PROSER2: variants seen among roughly 807,000 people sequenced by gnomAD.
The protein encoded by PROSER2 is proline and serine-rich protein 2.
PROSER2 carries 18 observed loss-of-function variants against 14.6 expected under a neutral mutation model. The ratio of observed to expected loss-of-function variants is 1.23; its 90% CI spans 0.85 to 1.83. The LOEUF (loss-of-function observed/expected upper bound fraction) is 1.83, where lower values mean the gene tolerates loss of function less well. Among genes scored for constraint, PROSER2 ranks in the 40% most tolerant of loss-of-function variants. PROSER2 has a pLI of 0.00. For missense variants in PROSER2, 823 were observed against 629.8 expected, an observed-to-expected ratio of 1.31 and a Z score of -3.28; for synonymous variants, 367 against 286.4, an observed-to-expected ratio of 1.28 and a Z score of -2.84.
At chr10:11,827,272 C>T (rs1340890075) in intron 1 of PROSER2, among the ~76,000 whole-genome samples, 2 of 151,924 alleles carry the variant, frequency 1.3e-5, no homozygotes, top group Non-Finnish European at 2.9e-5. Context: ...ATTTCTCGAA[C>T]GACTTCGTTG....
At chr10:11,835,106 T>TAA (rs10556057) in intron 1 of PROSER2, among the ~76,000 whole-genome samples, 5 of 141,780 alleles carry the variant, frequency 3.5e-5, no homozygotes, top group Admixed American at 1.4e-4. Context: ...GAATCTGTCT[T>TAA]AAAAAAAAAA....
rs756958024 is a variant in PROSER2 at position 11,866,430 on chromosome 10, G to A, written c.139-101G>A. 401 of 1,437,060 alleles carry A rather than the reference G, an allele frequency of 2.8e-4. 1 individual carries two copies. Among genetic ancestry groups the A allele is most frequent in the Middle Eastern group, 5.4e-4 (3 of 5,556 alleles). The allele number at this position is 1,437,060 out of a possible 1,614,324, so 89.0% of individuals were successfully genotyped here. ...GTACTCTCGGGACACAGTGAGTTCC[G>A]CCCTGGGCTGTGGACCAATCCCAAC... On this transcript the variant is annotated intron_variant, in intron 2 of 3. Transcript: ENST00000277570. This position sits in a 1 kb window ranked among gnomAD's most constrained non-coding sequence, Gnocchi z 6.0.
intron 1 of PROSER2, among the ~76,000 whole-genome samples, chr10:11,825,192 C>G (rs1234304480): frequency 6.6e-6 from 1 of 152,150 alleles, no homozygotes; most frequent in Non-Finnish European, 1.5e-5. Flanking sequence ...GCCTGGAAAC[C>G]TGAAGGGGGA....
chr10:11,842,195 C>CT (rs1035992080), intron 1 of PROSER2, among the ~76,000 whole-genome samples: 192 of 149,708 alleles, frequency 1.3e-3, no homozygotes, highest in African/African-American at 4.5e-3. Context: ...GCAATCCAGC[C>CT]TGGTTACAGA....
In PROSER2 at chr10:11,862,508, G is replaced by A. The variant is rs1205241194; in HGVS notation, c.139-4023G>A. Reference sequence around the variant, plus strand: ...GGAGTTCAAGATCAGCCTGGGCCATGTAGCAAGACTTTGTCTCTACAAAAA... The same window carrying A: ...GGAGTTCAAGATCAGCCTGGGCCATATAGCAAGACTTTGTCTCTACAAAAA... On this transcript the variant is annotated intron_variant, in intron 2 of 3. Coordinates refer to ENST00000277570, the MANE Select transcript of PROSER2 (RefSeq NM_153256.4). The surrounding 1 kb of genome is among the most constrained non-coding windows in gnomAD (Gnocchi z 4.2). Among the ~76,000 whole-genome samples the A allele has an allele frequency of 6.6e-6, 1 of 152,116 alleles. No individual in the cohort carries two copies. The highest frequency in any genetic ancestry group is 2.4e-5 in the African/African-American group (1 of 41,422).
chr10:11,867,721 T>C (rs1834381043), intron 3 of PROSER2, among the ~76,000 whole-genome samples: 1 of 152,194 alleles, frequency 6.6e-6, no homozygotes, highest in South Asian at 2.1e-4. Context: ...AAATGAAGCT[T>C]CACTCGCTCA....
intron 1 of PROSER2, chr10:11,851,373 A>G (rs915109257): frequency 3.3e-5 from 5 of 152,336 alleles, no homozygotes; most frequent in African/African-American, 9.6e-5. Flanking sequence ...ACACATTGCA[A>G]TAGCATGAGG....
chr10:11,851,027 C>CA (rs1363842642), intron 1 of PROSER2: 1 of 152,218 alleles, frequency 6.6e-6, no homozygotes, highest in African/African-American at 2.4e-5. Flanking sequence ...CTCCTGAGAC[C>CA]AGCCTGGGCA....
At position 11,830,654 on chromosome 10, in the gene PROSER2, T is replaced by A. The variant is rs1339012201; in HGVS notation, c.-82+7184T>A. ...TGAGCTACTTAAAGGTGTCCTGATT[T>A]CTCTGAGAGAGGTTGATAGCCATTC... is the stretch of plus-strand genomic sequence containing the variant. On this transcript the variant is annotated intron_variant, in intron 1 of 3. Coordinates refer to ENST00000277570, the MANE Select transcript of PROSER2 (RefSeq NM_153256.4). The surrounding 1 kb of genome is among the most constrained non-coding windows in gnomAD (Gnocchi z 4.5). Among the ~76,000 whole-genome samples, 1 of 152,228 alleles carries A rather than the reference T, an allele frequency of 6.6e-6. No homozygotes were observed. The highest frequency in any genetic ancestry group is 1.5e-5 in the Non-Finnish European group (1 of 68,046).
chr10:11,829,666 G>A (rs548041282), intron 1 of PROSER2, among the ~76,000 whole-genome samples: 22 of 151,840 alleles, frequency 1.4e-4, no homozygotes, highest in Middle Eastern at 3.4e-3. Flanking sequence ...GCGCTGTACC[G>A]TGGTTTCTTT....
intron 1 of PROSER2, among the ~76,000 whole-genome samples, chr10:11,833,757 A>C (rs1284845626): frequency 1.3e-5 from 2 of 152,124 alleles, no homozygotes; most frequent in Non-Finnish European, 2.9e-5. Flanking sequence ...CAAGAATTAC[A>C]TGCAGAAACC....
rs1425402249 is a variant in PROSER2, at chr10:11,847,165, A to G, written c.-81-4832A>G. On this transcript the variant is annotated intron_variant, in intron 1 of 3. Coordinates refer to ENST00000277570, the MANE Select transcript of PROSER2 (RefSeq NM_153256.4). ...GAAAAACATAAATAAATATATATAT[A>G]TATATATATATATATATATGAATCC... Among the ~76,000 whole-genome samples, 3 of 144,720 alleles carry G rather than the reference A, an allele frequency of 2.1e-5. No individual in the cohort carries two copies. The East Asian group carries it at 5.8e-4, about 28-fold the overall frequency. The allele number at this position is 144,720 out of a possible 152,430, so 94.9% of individuals were successfully genotyped here.
intron 1 of PROSER2, among the ~76,000 whole-genome samples, chr10:11,845,600 A>G (rs937905012): frequency 6.6e-6 from 1 of 152,178 alleles, no homozygotes; most frequent in African/African-American, 2.4e-5. Flanking sequence ...ATGGTTCGGT[A>G]CCTAGAGGAC....
At chr10:11,863,413 C>T (rs926738811) in intron 2 of PROSER2, among the ~76,000 whole-genome samples, 3 of 152,108 alleles carry the variant, frequency 2.0e-5, no homozygotes, top group Middle Eastern at 3.2e-3. Context: ...AGACGTGCAC[C>T]TGTAGTCCCA....
Position 11,856,392 on chromosome 10 carries a change from G to A in PROSER2, c.138+4177G>A, listed in dbSNP as rs993392259. Among the ~76,000 whole-genome samples, 5 of 152,138 alleles carry A rather than the reference G, an allele frequency of 3.3e-5. No individual in the cohort carries two copies. Among genetic ancestry groups the A allele is most frequent in the East Asian group, 3.9e-4 (2 of 5,192 alleles). ...CACTCTGAATGAGGTCCTGAAGTCG[G>A]GTCTGCCTTCACACATCCCGAAGCT... is the stretch of plus-strand genomic sequence containing the variant. On this transcript the variant is annotated intron_variant, in intron 2 of 3. Transcript: ENST00000277570. The surrounding 1 kb of genome is among the most constrained non-coding windows in gnomAD (Gnocchi z 5.3).
chr10:11,843,217 G>GAC (rs1833874982), intron 1 of PROSER2, among the ~76,000 whole-genome samples: 2 of 149,316 alleles, frequency 1.3e-5, no homozygotes, highest in South Asian at 2.2e-4. Flanking sequence ...CGGGATTACA[G>GAC]GTGCGAGCCA....
chr10:11,824,475 C>T (rs535097809), intron 1 of PROSER2, among the ~76,000 whole-genome samples: 5 of 152,294 alleles, frequency 3.3e-5, no homozygotes, highest in Non-Finnish European at 7.4e-5. Context: ...AGTGCCCCAG[C>T]ATGCACTAAA....
chr10:11,831,685 A>G (rs1833690943), intron 1 of PROSER2: 1 of 152,216 alleles, frequency 6.6e-6, no homozygotes, highest in Non-Finnish European at 1.5e-5. Flanking sequence ...ACTAGGACCC[A>G]ATCAGATGTC....
At chr10:11,848,357 C>T (rs1237067895) in intron 1 of PROSER2, among the ~76,000 whole-genome samples, 10 of 151,984 alleles carry the variant, frequency 6.6e-5, no homozygotes, top group Non-Finnish European at 1.2e-4. Flanking sequence ...TTAGTAGAGA[C>T]GGGGTTTCGC....
Sources: gnomAD v4.1 joint callset for allele counts (sites outside exome capture counted in the v4.1 genomes callset) on GRCh38, gnomAD v4.1.1 for gene constraint, Gnocchi (gnomAD v3.1) non-coding constraint, MANE v1.5 for transcripts, NCBI Gene and HGNC (gene_info 2026-07-23, HGNC 2026-07-21) for gene names.